The following CAMKMT variants were observed in gnomAD, a reference collection of about 807,000 sequenced individuals.
CAMKMT encodes the protein CaM KMT.
In CAMKMT, 53 loss-of-function variants were observed where a neutral mutation model predicts 48.0. That is an observed-to-expected ratio of 1.10 (90% CI 0.89 to 1.39). The LOEUF (loss-of-function observed/expected upper bound fraction) is 1.39. Among genes scored for constraint, CAMKMT ranks in the 40% most tolerant of loss-of-function variants. The pLI is 0.00. For missense variants in CAMKMT, 428 were observed against 402.7 expected, an observed-to-expected ratio of 1.06 and a Z score of -0.54; for synonymous variants, 165 against 152.3, an observed-to-expected ratio of 1.08 and a Z score of -0.61.
chr2:44,579,670 C>T (rs772597359), intron 3 of CAMKMT, among the ~76,000 whole-genome samples: 5 of 152,176 alleles, frequency 3.3e-5, no homozygotes, highest in Non-Finnish European at 7.3e-5. Context: ...CTGCCCTCCC[C>T]GGCTCTGTGT....
chr2:44,635,336 A>G (rs1254339353), intron 3 of CAMKMT, among the ~76,000 whole-genome samples: 3 of 152,188 alleles, frequency 2.0e-5, no homozygotes, highest in Non-Finnish European at 4.4e-5. Context: ...CTGGCCTCCA[A>G]AGTTTTCTGA....
intron 3 of CAMKMT, among the ~76,000 whole-genome samples, chr2:44,637,423 T>G (rs573144992): frequency 1.3e-5 from 2 of 152,328 alleles, no homozygotes; most frequent in East Asian, 3.9e-4. Context: ...TATTATCCAT[T>G]TTTTAAAGTC....
intron 3 of CAMKMT, among the ~76,000 whole-genome samples, chr2:44,614,740 C>T (rs1405558954): frequency 6.6e-6 from 1 of 151,914 alleles, no homozygotes; most frequent in Non-Finnish European, 1.5e-5. Flanking sequence ...GGTAGCAAGT[C>T]CTGTGACTCT....
At chr2:44,462,847 C>G (rs1311325055) in intron 3 of CAMKMT, among the ~76,000 whole-genome samples, 2 of 152,100 alleles carry the variant, frequency 1.3e-5, no homozygotes, top group African/African-American at 2.4e-5. Flanking sequence ...TCTCCTTGCA[C>G]TTTGTTAAAG....
In CAMKMT at chr2:44,550,653, C is replaced by T. The variant is rs1667658259; in HGVS notation, c.377-153630C>T. The T allele has an allele frequency of 2.0e-5, 3 of 152,060 alleles. No homozygotes were observed. In the South Asian group the frequency reaches 6.2e-4, roughly 32 times the overall value. The allele number at this position is 152,060 out of a possible 1,614,324, so 9.4% of individuals were successfully genotyped here. ...ATGTGGTGTGAGAGAAGTCAGTTAC[C>T]AAGATCTATTGACCATCTATCCACT... On this transcript the variant is annotated intron_variant, in intron 3 of 10. Transcript: ENST00000378494.
chr2:44,624,077 A>G (rs779992526), intron 3 of CAMKMT, among the ~76,000 whole-genome samples: 9 of 152,206 alleles, frequency 5.9e-5, no homozygotes, highest in Non-Finnish European at 1.2e-4. Flanking sequence ...AAAATTGGCA[A>G]GTGGGACCTA....
chr2:44,666,084 A>G (rs1442941164), intron 3 of CAMKMT, among the ~76,000 whole-genome samples: 1 of 152,252 alleles, frequency 6.6e-6, no homozygotes, highest in Non-Finnish European at 1.5e-5. Context: ...AGATACATCC[A>G]GATTGAGCTG....
intron 3 of CAMKMT, among the ~76,000 whole-genome samples, chr2:44,409,860 C>G (rs1438094021): frequency 6.6e-6 from 1 of 151,868 alleles, no homozygotes; most frequent in African/African-American, 2.4e-5. Context: ...ATTCAGTTAA[C>G]CAATATTTAC....
chr2:44,454,863 A>T (rs1667477096), intron 3 of CAMKMT, among the ~76,000 whole-genome samples: 1 of 152,132 alleles, frequency 6.6e-6, no homozygotes, highest in Admixed American at 6.6e-5. Context: ...ATTTTATTTA[A>T]ACCTAGAGAG....
chr2:44,434,424 C>T (rs1037496096), intron 3 of CAMKMT, among the ~76,000 whole-genome samples: 1 of 152,040 alleles, frequency 6.6e-6, no homozygotes, highest in Admixed American at 6.6e-5. Flanking sequence ...AAATTTTTGT[C>T]TTTCAATATT....
At chr2:44,678,051 A>T (rs1470515029) in intron 3 of CAMKMT, among the ~76,000 whole-genome samples, 1 of 152,122 alleles carries the variant, frequency 6.6e-6, no homozygotes, top group Admixed American at 6.5e-5. Context: ...TTTTTCAATA[A>T]GAAAAAAAAA....
chr2:44,483,315 C>T (rs1009857402), intron 3 of CAMKMT, among the ~76,000 whole-genome samples: 1 of 152,102 alleles, frequency 6.6e-6, no homozygotes, highest in Non-Finnish European at 1.5e-5. Flanking sequence ...AAATTAGTTA[C>T]TCATGAATTC....
At chr2:44,623,963 T>A (rs1294963050) in intron 3 of CAMKMT, among the ~76,000 whole-genome samples, 1 of 152,224 alleles carries the variant, frequency 6.6e-6, no homozygotes, top group Non-Finnish European at 1.5e-5. Context: ...GTTGTTTGTT[T>A]TCTATTAGTA....
At chr2:44,649,666 T>TC (rs1340789057) in intron 3 of CAMKMT, among the ~76,000 whole-genome samples, 1 of 152,200 alleles carries the variant, frequency 6.6e-6, no homozygotes, top group East Asian at 1.9e-4. Flanking sequence ...TTTTGGCTTC[T>TC]CTTTTTCCCA....
intron 3 of CAMKMT, among the ~76,000 whole-genome samples, chr2:44,468,811 C>G (rs1276097528): frequency 1.3e-5 from 2 of 152,024 alleles, no homozygotes; most frequent in Admixed American, 1.3e-4. Context: ...CCTAGGTACT[C>G]AGGAGGCTGA....
intron 2 of CAMKMT, among the ~76,000 whole-genome samples, chr2:44,382,822 C>T (rs953348807): frequency 6.6e-6 from 1 of 152,186 alleles, no homozygotes; most frequent in Non-Finnish European, 1.5e-5. Context: ...AGGACTGGGC[C>T]TCTGTGGCAG....
chr2:44,426,707 A>C lies in CAMKMT; in HGVS notation c.376+36402A>C, dbSNP rs76703272. Among the ~76,000 whole-genome samples the C allele has an allele frequency of 5.9e-5, 9 of 152,330 alleles. No individual in the cohort carries two copies. The East Asian group carries it at 1.7e-3, about 29-fold the overall frequency. On this transcript the variant is annotated intron_variant, in intron 3 of 10. Transcript: ENST00000378494. ...ACAAATGGAAAAACATTCCATGCTC[A>C]TGTACTGGAAGAATCGATATCATTA...
chr2:44,561,695 T>C (rs1272771805), intron 3 of CAMKMT, among the ~76,000 whole-genome samples: 3 of 152,218 alleles, frequency 2.0e-5, no homozygotes, highest in African/African-American at 4.8e-5. Flanking sequence ...AAGCTATAGA[T>C]AGACAACAAT....
At chr2:44,611,594 G>C (rs1671602355) in intron 3 of CAMKMT, among the ~76,000 whole-genome samples, 1 of 152,088 alleles carries the variant, frequency 6.6e-6, no homozygotes. Flanking sequence ...ACCCACAAAA[G>C]GGAGTTTAAA....
Sources: allele counts gnomAD v4.1 joint callset (sites outside exome capture counted in the v4.1 genomes callset), GRCh38; gene constraint gnomAD v4.1.1; transcripts MANE v1.5; gene names NCBI Gene and HGNC (gene_info 2026-07-23, HGNC 2026-07-21).